The following DSG3 variants were observed in gnomAD, a reference collection of about 807,000 sequenced individuals.
DSG3 encodes desmoglein 3.
DSG3 carries 63 observed loss-of-function variants against 85.9 expected under a neutral mutation model. The ratio of observed to expected loss-of-function variants is 0.73; its 90% CI spans 0.60 to 0.90. The LOEUF is 0.90. DSG3 is among the 40% of genes least tolerant of loss of function. DSG3 has a pLI of 0.00. For missense variants in DSG3, 1,220 were observed against 1,219.9 expected (o/e 1.00, Z 0.00); for synonymous variants, 447 against 441.9 (o/e 1.01, Z -0.14).
Position 31,461,316 on chromosome 18 carries a change from G to A in DSG3, c.903G>A (p.Trp301Ter). ...TDLDEEYTDN[W>*]LAVYFFTSGN... ...TGGATGAAGAGTACACAGATAATTG[G>A]CTTGCAGTATATTTCTTTACCTCTG... The change falls in exon 8 of 16, where the codon TGG becomes TGA. Residue 301 changes from tryptophan (W) to a stop codon, truncating the protein, a stop_gained. Transcript: ENST00000257189. LOFTEE classifies it high-confidence loss of function. 6.2e-7 allele frequency: 1 copy of A among 1,613,432 alleles called. No homozygotes were observed. The highest frequency in any genetic ancestry group is 8.5e-7 in the Non-Finnish European group (1 of 1,179,586).
chr18:31,475,376 G>A (rs2072880090), intron 15 of DSG3, among the ~76,000 whole-genome samples: 2 of 152,142 alleles, frequency 1.3e-5, no homozygotes, highest in Non-Finnish European at 2.9e-5. Context: ...ATTTCTAGGT[G>A]GGATGTGTGT....
At chr18:31,471,708 C>A (rs1326261594) in intron 12 of DSG3, among the ~76,000 whole-genome samples, 1 of 152,146 alleles carries the variant, frequency 6.6e-6, no homozygotes, top group Non-Finnish European at 1.5e-5. Flanking sequence ...AAGAGTCCTC[C>A]AAGCTTAAGC....
In DSG3 at chr18:31,477,095, A is replaced by G. The variant is rs920859883; in HGVS notation, c.*835A>G. 24 of 152,074 alleles carry G rather than the reference A, an allele frequency of 1.6e-4. No homozygotes were observed. Among genetic ancestry groups the G allele is most frequent in the African/African-American group, 5.8e-4 (24 of 41,392 alleles). The allele number at this position is 152,074 out of a possible 1,614,324, so 9.4% of individuals were successfully genotyped here. A position where few individuals can be genotyped will look rare whatever the true frequency, so the allele number is the denominator to read the frequency against. On this transcript the variant is annotated 3_prime_UTR_variant, in exon 16 of 16. Coordinates refer to ENST00000257189, the MANE Select transcript of DSG3 (RefSeq NM_001944.3). ...CTGGGAAGCCATATATGTGTCTTTT[A>G]CTCAAGCTAAGGGGTATAAGCTTAT...
chr18:31,473,799 C>G (rs1328923848), intron 14 of DSG3, among the ~76,000 whole-genome samples: 2 of 152,200 alleles, frequency 1.3e-5, no homozygotes, highest in Non-Finnish European at 2.9e-5. Context: ...TGAAAACAAA[C>G]AAGCATTGCA....
chr18:31,451,744 GA>G (rs1254700520), intron 1 of DSG3, among the ~76,000 whole-genome samples: 1 of 152,228 alleles, frequency 6.6e-6, no homozygotes, highest in Non-Finnish European at 1.5e-5. Flanking sequence ...AGTCAGGAAA[GA>G]TGTAATTACT....
rs571448444 is a variant in DSG3, at chr18:31,472,794, T to C, written c.2101+6T>C. ...CGATTTCATGGAAAGTTCTGGTAAG[T>C]GGACATAAAATGTTTGAAAGCAATG... On this transcript the variant is annotated splice_donor_region_variant and intron_variant, in intron 14 of 15. Transcript: ENST00000257189. The C allele has an allele frequency of 6.2e-7, 1 of 1,613,552 alleles. No individual in the cohort carries two copies. Among genetic ancestry groups the C allele is most frequent in the African/African-American group, 1.3e-5 (1 of 74,940 alleles).
Position 31,447,934 on chromosome 18 carries a change from T to G in DSG3, c.48+9T>G. On this transcript the variant is annotated intron_variant, in intron 1 of 15. Coordinates refer to ENST00000257189, the MANE Select transcript of DSG3 (RefSeq NM_001944.3). ...CTCTGGCCATCTTCGTGGTAAGTCC[T>G]GGATTTTCCTAATAATCACAAACTT... is the stretch of plus-strand genomic sequence containing the variant. The G allele has an allele frequency of 6.4e-7, 1 of 1,555,610 alleles. No individual in the cohort carries two copies. The highest frequency in any genetic ancestry group is 8.7e-7 in the Non-Finnish European group (1 of 1,154,078).
At chr18:31,471,868 C>T (rs959495498) in intron 12 of DSG3, among the ~76,000 whole-genome samples, 1 of 152,190 alleles carries the variant, frequency 6.6e-6, no homozygotes, top group Non-Finnish European at 1.5e-5. Flanking sequence ...ATCGTGCCCA[C>T]CTAAAATCTG....
intron 1 of DSG3, among the ~76,000 whole-genome samples, chr18:31,455,621 A>T (rs530800962): frequency 2.9e-4 from 44 of 152,330 alleles, no homozygotes; most frequent in Admixed American, 5.2e-4. Context: ...ATCTGGAAGG[A>T]TGAGCAATAT....
intron 14 of DSG3, 77 bp downstream of exon 14, chr18:31,472,865 T>A: frequency 7.5e-7 from 1 of 1,331,998 alleles, no homozygotes; most frequent in Admixed American, 1.8e-5. Flanking sequence ...GTTCAAACTA[T>A]CTTCTTAATA....
intron 4 of DSG3, among the ~76,000 whole-genome samples, chr18:31,458,806 A>G (rs1006071264): frequency 2.0e-5 from 3 of 152,202 alleles, no homozygotes; most frequent in Non-Finnish European, 4.4e-5. Flanking sequence ...CTAGCACGCC[A>G]AGTGCTTCAG....
chr18:31,467,485 C>T (rs142054808), intron 11 of DSG3, among the ~76,000 whole-genome samples: 2 of 152,324 alleles, frequency 1.3e-5, no homozygotes, highest in Non-Finnish European at 2.9e-5. Context: ...CAGGGAGTGC[C>T]GCTTACACTA....
At position 31,460,888 on chromosome 18, in the gene DSG3, T is replaced by A. The variant is rs1255596279; in HGVS notation, c.740T>A (p.Leu247Gln). ...GGTGCAGACAAAGATGGAGAAGGAC[T>A]ATCAACTCAATGTGAATGTAATATT... The part of the protein sequence containing the change: ...VSGADKDGEG[L>Q]STQCECNIKV... The change falls in exon 7 of 16, where the codon CTA becomes CAA. Residue 247 changes from leucine to glutamine, a missense_variant. Transcript: ENST00000257189. The A allele has an allele frequency of 1.9e-6, 3 of 1,604,408 alleles. No homozygotes were observed. Among genetic ancestry groups the A allele is most frequent in the Non-Finnish European group, 2.5e-6 (3 of 1,177,166 alleles).
chr18:31,456,482 T>C lies in DSG3; in HGVS notation c.84+7T>C, dbSNP rs1259183764. The C allele has an allele frequency of 4.5e-6, 6 of 1,326,960 alleles. No homozygotes were observed. The highest frequency in any genetic ancestry group is 5.8e-6 in the Non-Finnish European group (6 of 1,027,878). 82.2% of individuals were successfully genotyped at this position (1,326,960 alleles called of 1,614,324 possible). ...TGGAGAATTGCGAATAGAGGTAAAGTATGAAAAAGGTTTTTGTACTTAAAA... is the reference window on the plus strand; with the variant it reads ...TGGAGAATTGCGAATAGAGGTAAAGCATGAAAAAGGTTTTTGTACTTAAAA... On this transcript the variant is annotated splice_region_variant and intron_variant, in intron 2 of 15. Transcript: ENST00000257189.
intron 8 of DSG3, among the ~76,000 whole-genome samples, chr18:31,463,620 A>C (rs1568088655): frequency 6.6e-6 from 1 of 152,192 alleles, no homozygotes; most frequent in Non-Finnish European, 1.5e-5. Context: ...CATTGTACAT[A>C]AATCCAGTGA....
Position 31,457,096 on chromosome 18 carries a change from A to G in DSG3, c.188A>G (p.Asp63Gly). 6.2e-7 allele frequency: 1 copy of G among 1,612,808 alleles called. No homozygotes were observed. Among genetic ancestry groups the G allele is most frequent in the East Asian group, 2.2e-5 (1 of 44,794 alleles). The change falls in exon 3 of 16, where the codon GAT becomes GGT. Residue 63 changes from aspartate to glycine, a missense_variant. Coordinates refer to ENST00000257189, the MANE Select transcript of DSG3 (RefSeq NM_001944.3). ...GCCAAACCCTGCAGAGAAGGAGAAG[A>G]TAACTCAAAAAGAAACCCAATTGCC... ...KFAKPCREGE[D>G]NSKRNPIAKI...
chr18:31,452,513 G>A (rs1470928570), intron 1 of DSG3, among the ~76,000 whole-genome samples: 5 of 82,872 alleles, frequency 6.0e-5, no homozygotes, highest in Admixed American at 5.7e-4. Context: ...GCGAGACTCC[G>A]TCTCAAAAAA....
intron 8 of DSG3, among the ~76,000 whole-genome samples, chr18:31,463,231 A>G (rs1011970960): frequency 1.3e-5 from 2 of 152,194 alleles, no homozygotes; most frequent in Middle Eastern, 3.2e-3. Flanking sequence ...GCTTTCACAC[A>G]TAGACCCTAT....
chr18:31,466,681 T>C lies in DSG3; in HGVS notation c.1563T>C (p.Thr521=). The C allele has an allele frequency of 1.2e-6, 2 of 1,614,212 alleles. No individual in the cohort carries two copies. Among genetic ancestry groups the C allele is most frequent in the Non-Finnish European group, 1.7e-6 (2 of 1,180,032 alleles). ...CTAGAACACTGAATAATAGATACAC[T>C]GGCCCCTATACATTTGCACTGGAAG... ...VSARTLNNRY[T]GPYTFALEDQ... The change falls in exon 11 of 16, where the codon ACT becomes ACC. Residue 521 remains threonine, a synonymous_variant. Transcript: ENST00000257189.
Sources: gnomAD v4.1 joint callset for allele counts (sites outside exome capture counted in the v4.1 genomes callset) on GRCh38, gnomAD v4.1.1 for gene constraint, MANE v1.5 for transcripts, NCBI Gene and HGNC (gene_info 2026-07-23, HGNC 2026-07-21) for gene names.